Variants in PRR5L observed in about 807,000 individuals in gnomAD.
PRR5L encodes the protein proline rich 5 like, also known as proline-rich protein 5-like.
In PRR5L, 21 loss-of-function variants were observed where a neutral mutation model predicts 36.4. The ratio of observed to expected loss-of-function variants is 0.58; its 90% confidence interval spans 0.41 to 0.83. PRR5L has a LOEUF of 0.83. Ranked by LOEUF, PRR5L falls within the 40% of genes least tolerant of loss-of-function variation. The pLI, the probability that PRR5L is intolerant of heterozygous loss-of-function variation, is 0.00. For synonymous variants in PRR5L, 188 were observed against 197.0 expected (o/e 0.95, Z 0.38); for missense variants, 381 against 473.3 (o/e 0.80, Z 1.81).
chr11:36,410,856 T>C (rs1858010105), intron 3 of PRR5L, among the ~76,000 whole-genome samples: 2 of 152,156 alleles, frequency 1.3e-5, no homozygotes, highest in South Asian at 4.1e-4. Context: ...TTCAGAGCAT[T>C]CAGCAGTCAG....
chr11:36,407,370 C>T (rs147114469), intron 3 of PRR5L, among the ~76,000 whole-genome samples: 278 of 152,294 alleles, frequency 1.8e-3, no homozygotes, highest in Non-Finnish European at 3.4e-3. Flanking sequence ...ATACTGCACT[C>T]CAGCCTGGGC....
At chr11:36,347,937 T>G (rs913188321) in intron 1 of PRR5L, among the ~76,000 whole-genome samples, 7 of 152,102 alleles carry the variant, frequency 4.6e-5, no homozygotes, top group African/African-American at 1.7e-4. Flanking sequence ...CAAGCCTCCA[T>G]TTTTCCTCTG....
chr11:36,391,143 G>A (rs1196546037), intron 1 of PRR5L, among the ~76,000 whole-genome samples: 6 of 152,256 alleles, frequency 3.9e-5, no homozygotes, highest in South Asian at 2.1e-4. Flanking sequence ...TGACTTCTTT[G>A]TTACTTACAC....
At chr11:36,312,742 G>A (rs538010481) in intron 1 of PRR5L, among the ~76,000 whole-genome samples, 52 of 152,358 alleles carry the variant, frequency 3.4e-4, no homozygotes, top group African/African-American at 1.2e-3. Flanking sequence ...AACATACAGC[G>A]TGCACAGCAC....
chr11:36,352,003 CT>C (rs1856980674), intron 1 of PRR5L, among the ~76,000 whole-genome samples: 3 of 151,602 alleles, frequency 2.0e-5, no homozygotes, highest in Admixed American at 6.6e-5. Context: ...ATCTCCACAC[CT>C]TTTTCCATAG....
chr11:36,343,728 A>G (rs915013099), intron 1 of PRR5L, among the ~76,000 whole-genome samples: 16 of 152,206 alleles, frequency 1.1e-4, no homozygotes, highest in Admixed American at 2.6e-4. Flanking sequence ...TACATAAGGT[A>G]TGTGATTCTC....
chr11:36,348,486 C>T (rs1856890274), intron 1 of PRR5L, among the ~76,000 whole-genome samples: 1 of 152,280 alleles, frequency 6.6e-6, no homozygotes, highest in South Asian at 2.1e-4. Flanking sequence ...CCTCTTCCGA[C>T]CATGTGTTTA....
At chr11:36,389,859 C>A (rs113669432) in intron 1 of PRR5L, among the ~76,000 whole-genome samples, 4 of 152,088 alleles carry the variant, frequency 2.6e-5, no homozygotes, top group Non-Finnish European at 4.4e-5. Flanking sequence ...GTGATCCACC[C>A]GCCTTGGCCT....
chr11:36,447,441 G>T (rs1322549490), intron 7 of PRR5L, among the ~76,000 whole-genome samples: 2 of 152,280 alleles, frequency 1.3e-5, no homozygotes, highest in East Asian at 3.9e-4. Flanking sequence ...CATGGCCTTG[G>T]CAAACTCATT....
Position 36,464,430 on chromosome 11 carries a change from AATTTT to A in PRR5L, c.*1701_*1705del, listed in dbSNP as rs376852503. 8 of 152,280 alleles carry A rather than the reference AATTTT, an allele frequency of 5.3e-5. No individual in the cohort carries two copies. The highest frequency in any genetic ancestry group is 1.9e-4 in the African/African-American group (8 of 41,556). The allele number at this position is 152,280 out of a possible 1,614,324, so 9.4% of individuals were successfully genotyped here. On this transcript the variant is annotated 3_prime_UTR_variant, in exon 9 of 9. Coordinates refer to ENST00000530639, the MANE Select transcript of PRR5L (RefSeq NM_001160167.2). ...TGCTCTTGATGGCTGGGAATTTAGAAATTTTATTTTAAGAGTTATTTCATTTTCAT... is the reference window on the plus strand; with the variant it reads ...TGCTCTTGATGGCTGGGAATTTAGAAATTTTAAGAGTTATTTCATTTTCAT...
chr11:36,318,458 T>C (rs944527004), intron 1 of PRR5L, among the ~76,000 whole-genome samples: 1 of 148,152 alleles, frequency 6.7e-6, no homozygotes, highest in Non-Finnish European at 1.5e-5. Flanking sequence ...ACTTGGTGAA[T>C]CTGCGAAGTC....
intron 4 of PRR5L, among the ~76,000 whole-genome samples, chr11:36,429,482 T>G (rs906857458): frequency 6.6e-6 from 1 of 152,108 alleles, no homozygotes; most frequent in Non-Finnish European, 1.5e-5. Flanking sequence ...AGGTTTTCAT[T>G]TCTGTCCATG....
chr11:36,394,313 AG>A (rs1857615927), intron 1 of PRR5L: 1 of 152,224 alleles, frequency 6.6e-6, no homozygotes. Context: ...ATACAGTTCC[AG>A]GAACCATGCA....
At chr11:36,387,444 G>A (rs1230138034) in intron 1 of PRR5L, among the ~76,000 whole-genome samples, 9 of 152,206 alleles carry the variant, frequency 5.9e-5, no homozygotes, top group Non-Finnish European at 1.2e-4. Context: ...TGGGCTGACA[G>A]TGAGATAAGA....
chr11:36,360,451 T>A (rs754647499), intron 1 of PRR5L, among the ~76,000 whole-genome samples: 3 of 152,156 alleles, frequency 2.0e-5, no homozygotes, highest in Non-Finnish European at 1.5e-5. Context: ...GTTTTGCTGA[T>A]CAAAGCCTGT....
intron 1 of PRR5L, chr11:36,386,593 A>C (rs452465): frequency 0.8 from 122,266 of 152,250 alleles, 49,264 homozygotes; most frequent in East Asian, 0.9. Flanking sequence ...TGCAGGGAAG[A>C]AATGGGTGGC....
intron 1 of PRR5L, among the ~76,000 whole-genome samples, chr11:36,326,553 C>G (rs7117688): frequency 0.096 from 14,597 of 151,966 alleles, 1,279 homozygotes; most frequent in African/African-American, 0.24. Context: ...ATAATTTTCC[C>G]TCTCCCCTCT....
intron 4 of PRR5L, among the ~76,000 whole-genome samples, 168 bp downstream of exon 4, chr11:36,419,471 C>T (rs1297215254): frequency 2.0e-5 from 3 of 152,302 alleles, no homozygotes; most frequent in Middle Eastern, 3.4e-3. Context: ...TCCTGTGTCT[C>T]CCAGCAGTTA....
chr11:36,332,791 G>T (rs1049965896), intron 1 of PRR5L, among the ~76,000 whole-genome samples: 2 of 152,128 alleles, frequency 1.3e-5, no homozygotes, highest in Non-Finnish European at 2.9e-5. Context: ...CATGTGATAT[G>T]CCTGCTCCCC....
Sources: gnomAD v4.1 joint callset for allele counts (sites outside exome capture counted in the v4.1 genomes callset) on GRCh38, gnomAD v4.1.1 for gene constraint, MANE v1.5 for transcripts, NCBI Gene and HGNC (gene_info 2026-07-23, HGNC 2026-07-21) for gene names.